PTPRG: variants seen among roughly 807,000 people sequenced by gnomAD.
PTPRG encodes the protein receptor-type tyrosine-protein phosphatase gamma.
Under a neutral mutation model 165.3 loss-of-function variants are expected in PTPRG, and 102 were observed. That is an observed-to-expected ratio of 0.62 (90% CI 0.53 to 0.73). The LOEUF (loss-of-function observed/expected upper bound fraction) is 0.73. Among genes scored for constraint, PTPRG ranks in the 30% least tolerant of loss-of-function variants. The pLI, the probability that PTPRG is intolerant of heterozygous loss-of-function variation, is 0.00. For synonymous variants in PTPRG, 675 were observed against 669.5 expected (o/e 1.01, Z -0.13); for missense variants, 1,866 against 1,861.4 (o/e 1.00, Z -0.05).
intron 2 of PTPRG, among the ~76,000 whole-genome samples, chr3:61,839,704 G>A (rs1482048211): frequency 6.6e-6 from 1 of 152,096 alleles, no homozygotes; most frequent in Non-Finnish European, 1.5e-5. Flanking sequence ...TAGAGAATTT[G>A]GAAAATAAAC....
intron 5 of PTPRG, among the ~76,000 whole-genome samples, chr3:62,096,811 C>G (rs1702135683): frequency 6.6e-6 from 1 of 152,114 alleles, no homozygotes; most frequent in African/African-American, 2.4e-5. Context: ...TATAATTATC[C>G]AAATAAAAGA....
At chr3:61,716,116 G>A (rs963033190) in intron 1 of PTPRG, among the ~76,000 whole-genome samples, 8 of 152,114 alleles carry the variant, frequency 5.3e-5, no homozygotes, top group Admixed American at 2.0e-4. Flanking sequence ...CCACCGCCAC[G>A]CCCCTTTCCT....
chr3:62,079,094 C>CA (rs1221698439), intron 5 of PTPRG, among the ~76,000 whole-genome samples: 1 of 152,222 alleles, frequency 6.6e-6, no homozygotes, highest in African/African-American at 2.4e-5. Context: ...AAGTTAAAGA[C>CA]ATAAGAGCCT....
At chr3:61,798,061 A>C (rs1167363246) in intron 2 of PTPRG, among the ~76,000 whole-genome samples, 1 of 152,188 alleles carries the variant, frequency 6.6e-6, no homozygotes, top group Non-Finnish European at 1.5e-5. Context: ...GTTATGGTTG[A>C]ATAATTTTTT....
At position 62,078,210 on chromosome 3, in the gene PTPRG, C is replaced by T. The variant is rs535933860; in HGVS notation, c.567C>T (p.Thr189=). ...YNPDDFDSFQ[T]AISENRIIGA... is the part of the protein sequence containing the mutation. ...CAGATGACTTTGACAGCTTTCAAACCGCAATTTCTGAGAACAGAATAATCG... is the reference window on the plus strand; with the variant it reads ...CAGATGACTTTGACAGCTTTCAAACTGCAATTTCTGAGAACAGAATAATCG... Residue 189 remains threonine, a synonymous_variant, in exon 5 of 30, where the codon ACC becomes ACT. Coordinates refer to ENST00000474889, the MANE Select transcript of PTPRG (RefSeq NM_002841.4). 88 of 1,608,614 alleles carry T rather than the reference C, an allele frequency of 5.5e-5. No individual in the cohort carries two copies. The South Asian group carries it at 6.1e-4, about 11-fold the overall frequency.
chr3:61,778,259 G>C (rs1158178919), intron 2 of PTPRG, among the ~76,000 whole-genome samples: 1 of 152,172 alleles, frequency 6.6e-6, no homozygotes, highest in Non-Finnish European at 1.5e-5. Context: ...AAGGGCTCCT[G>C]TTATAGAATC....
intron 4 of PTPRG, among the ~76,000 whole-genome samples, chr3:62,026,828 G>A (rs764368415): frequency 5.0e-5 from 7 of 140,828 alleles, no homozygotes; most frequent in African/African-American, 1.9e-4. Context: ...GGAGGTTGCA[G>A]TAAGCCGAGA....
chr3:61,588,481 C>T (rs1431256184), intron 1 of PTPRG, among the ~76,000 whole-genome samples: 5 of 147,466 alleles, frequency 3.4e-5, no homozygotes, highest in African/African-American at 1.1e-4. Flanking sequence ...AGGCAATTCT[C>T]ATGCCTCAGC....
At position 62,203,628 on chromosome 3, in the gene PTPRG, G is replaced by T; in HGVS notation, c.1833G>T (p.Val611=). Residue 611 remains valine (V), a synonymous_variant, in exon 12 of 30, where the codon GTG becomes GTT. Coordinates refer to ENST00000474889, the MANE Select transcript of PTPRG (RefSeq NM_002841.4). This position sits in a 1 kb window ranked among gnomAD's most constrained non-coding sequence, Gnocchi z 6.4. ...CCGAAAAGAAGGAGAAGAGTGGGGTGACCCACGCTGCCGAGGAGCGGAATC... is the reference window on the plus strand; with the variant it reads ...CCGAAAAGAAGGAGAAGAGTGGGGTTACCCACGCTGCCGAGGAGCGGAATC... ...KDSEKKEKSG[V]THAAEERNQT... 3 of 1,555,204 alleles carry T rather than the reference G, an allele frequency of 1.9e-6. No individual in the cohort carries two copies. The highest frequency in any genetic ancestry group is 2.6e-6 in the Non-Finnish European group (3 of 1,148,784).
At position 61,986,115 on chromosome 3, in the gene PTPRG, C is replaced by CAATCATCATATTTAATATGATTG. The variant is rs1208901751; in HGVS notation, c.191-3497_191-3475dup. 8.7e-3 allele frequency among the ~76,000 whole-genome samples: 1,317 copies of CAATCATCATATTTAATATGATTG among 151,920 alleles called. 27 individuals carry two copies. The highest frequency in any genetic ancestry group is 0.03 in the African/African-American group (1,255 of 41,252). On this transcript the variant is annotated intron_variant, in intron 2 of 29. Coordinates refer to ENST00000474889, the MANE Select transcript of PTPRG (RefSeq NM_002841.4). ...TATTGAACAATCATATTTAATACGA[C>CAATCATCATATTTAATATGATTG]AATCATCATATTTAATATGATTGAA...
At chr3:62,047,051 GGAACCCAGAATTA>G (rs1700316063) in intron 4 of PTPRG, among the ~76,000 whole-genome samples, 1 of 152,056 alleles carries the variant, frequency 6.6e-6, no homozygotes, top group Non-Finnish European at 1.5e-5. Flanking sequence ...AGCAATAAGT[GGAACCCAGAATTA>G]GAACCCACAT....
chr3:62,176,750 T>C (rs1304222484), intron 8 of PTPRG, among the ~76,000 whole-genome samples: 1 of 152,134 alleles, frequency 6.6e-6, no homozygotes, highest in Non-Finnish European at 1.5e-5. Context: ...GAAGATCTTG[T>C]GCATCCTTGG....
At chr3:62,006,193 G>T (rs141460646) in intron 4 of PTPRG, among the ~76,000 whole-genome samples, 1,775 of 152,164 alleles carry the variant, frequency 0.012, 18 homozygotes, top group Non-Finnish European at 0.018. Flanking sequence ...TATATCAATT[G>T]GGTTTCTCAT....
chr3:61,562,945 C>T (rs1331034623), intron 1 of PTPRG, among the ~76,000 whole-genome samples: 2 of 151,906 alleles, frequency 1.3e-5, no homozygotes, highest in Non-Finnish European at 2.9e-5. Flanking sequence ...TCGGGGGCGT[C>T]CTCCCTCTCT....
intron 2 of PTPRG, among the ~76,000 whole-genome samples, chr3:61,857,651 A>C (rs1358407645): frequency 6.6e-6 from 1 of 152,206 alleles, no homozygotes; most frequent in Non-Finnish European, 1.5e-5. Context: ...CTTTGAGACT[A>C]CCTGACCAAC....
Position 61,887,151 on chromosome 3 carries a change from TA to T in PTPRG, c.191-102473del, listed in dbSNP as rs1559670186. On this transcript the variant is annotated intron_variant, in intron 2 of 29. Coordinates refer to ENST00000474889, the MANE Select transcript of PTPRG (RefSeq NM_002841.4). ...ATATATATATATATATATATATATA[TA>T]TATATATATATATATATATTTTTAA... Among the ~76,000 whole-genome samples the T allele has an allele frequency of 2.7e-4, 16 of 59,302 alleles. 1 individual carries two copies. In the East Asian group the frequency reaches 4.2e-3, roughly 16 times the overall value. The allele number at this position is 59,302 out of a possible 152,430, so 38.9% of individuals were successfully genotyped here.
At chr3:62,133,128 G>C (rs73096544) in intron 6 of PTPRG, among the ~76,000 whole-genome samples, 13,165 of 152,242 alleles carry the variant, frequency 0.086, 860 homozygotes, top group East Asian at 0.34. Context: ...AGGCCAGGCT[G>C]CTGTTCTGTG....
chr3:61,585,280 C>CAAAAAAA (rs3039784), intron 1 of PTPRG, among the ~76,000 whole-genome samples: 1 of 81,336 alleles, frequency 1.2e-5, no homozygotes. Flanking sequence ...GACCCTGTCT[C>CAAAAAAA]AAAAAAAAAA....
intron 2 of PTPRG, among the ~76,000 whole-genome samples, chr3:61,926,270 G>C (rs1575791758): frequency 6.6e-6 from 1 of 152,238 alleles, no homozygotes; most frequent in East Asian, 1.9e-4. Context: ...GTCCTGGTGA[G>C]AGGTGATTGG....
Sources: gnomAD v4.1 joint callset for allele counts (sites outside exome capture counted in the v4.1 genomes callset) on GRCh38, gnomAD v4.1.1 for gene constraint, Gnocchi (gnomAD v3.1) non-coding constraint, MANE v1.5 for transcripts, NCBI Gene and HGNC (gene_info 2026-07-23, HGNC 2026-07-21) for gene names.